PJA2: variants seen among roughly 807,000 people sequenced by gnomAD.
PJA2 encodes the protein E3 ubiquitin-protein ligase Praja-2.
A neutral mutation model predicts 69.3 loss-of-function variants in PJA2; 25 were observed. The ratio of observed to expected loss-of-function variants is 0.36; its 90% CI spans 0.26 to 0.50. PJA2 has a LOEUF of 0.50. PJA2 is among the 20% of genes least tolerant of loss of function. The pLI is 0.96. For missense variants in PJA2, 809 were observed against 830.2 expected (o/e 0.97, Z 0.31); for synonymous variants, 308 against 277.8 (o/e 1.11, Z -1.08).
At chr5:109,352,142 T>C (rs1295174320) in intron 7 of PJA2, among the ~76,000 whole-genome samples, 1 of 152,298 alleles carries the variant, frequency 6.6e-6, no homozygotes, top group Non-Finnish European at 1.5e-5. Context: ...GAGTTCACTA[T>C]TGGTAGAAGC....
At chr5:109,345,197 A>AAC (rs1762153293) in intron 7 of PJA2, among the ~76,000 whole-genome samples, 2 of 151,476 alleles carry the variant, frequency 1.3e-5, no homozygotes, top group African/African-American at 4.8e-5. Context: ...AAAAAAAAAA[A>AAC]AAAACAAAAT....
chr5:109,381,424 A>G, intron 3 of PJA2, 79 bp downstream of exon 3: 2 of 1,177,364 alleles, frequency 1.7e-6, no homozygotes, highest in Admixed American at 2.1e-5. Context: ...GACATGCATA[A>G]TACCCACCCA....
At chr5:109,376,217 A>G (rs934258993) in intron 4 of PJA2, among the ~76,000 whole-genome samples, 1 of 150,322 alleles carries the variant, frequency 6.7e-6, no homozygotes, top group Non-Finnish European at 1.5e-5. Flanking sequence ...GACAGTTTCT[A>G]TTAACTGTAA....
chr5:109,361,061 G>A (rs905505277), intron 6 of PJA2, among the ~76,000 whole-genome samples: 2 of 152,042 alleles, frequency 1.3e-5, no homozygotes, highest in South Asian at 4.1e-4. Context: ...CCGGGAGGCA[G>A]AAGTTGCAGT....
At chr5:109,388,043 G>C (rs1334215128) in intron 1 of PJA2, among the ~76,000 whole-genome samples, 2 of 152,218 alleles carry the variant, frequency 1.3e-5, no homozygotes, top group Admixed American at 6.5e-5. Flanking sequence ...CTCAGTATTA[G>C]AGCCCTCTCT....
chr5:109,362,513 A>G (rs939749559), intron 6 of PJA2, among the ~76,000 whole-genome samples: 1 of 152,188 alleles, frequency 6.6e-6, no homozygotes, highest in Non-Finnish European at 1.5e-5. Flanking sequence ...TTAAGAAGCT[A>G]TTTTTGAAAG....
chr5:109,366,973 T>C (rs1195109538), intron 5 of PJA2, among the ~76,000 whole-genome samples: 1 of 151,236 alleles, frequency 6.6e-6, no homozygotes, highest in Non-Finnish European at 1.5e-5. Flanking sequence ...CTCTACTAAA[T>C]ATACAAAAAT....
Position 109,362,954 on chromosome 5 carries a change from C to G in PJA2, c.1538G>C (p.Ser513Thr), listed in dbSNP as rs370515132. The part of the protein sequence containing the change: ...LQYNEVNESS[S>T]DEGNEPANEF... Reference sequence around the variant, plus strand: ...ATTGGCAGGTTCATTTCCCTCATCACTGCTGCTTTCATTGACTTCATTGTA... The same window carrying G: ...ATTGGCAGGTTCATTTCCCTCATCAGTGCTGCTTTCATTGACTTCATTGTA... The change falls in exon 6 of 10, where the codon AGT becomes ACT. Residue 513 changes from serine (S) to threonine (T), a missense_variant. Coordinates refer to ENST00000361189, the MANE Select transcript of PJA2 (RefSeq NM_014819.5). 9.3e-6 allele frequency: 15 copies of G among 1,613,726 alleles called. No individual in the cohort carries two copies. Among genetic ancestry groups the G allele is most frequent in the Non-Finnish European group, 1.2e-5 (14 of 1,179,802 alleles).
At chr5:109,396,444 T>TTG (rs1747412549) in intron 1 of PJA2, among the ~76,000 whole-genome samples, 22 of 105,248 alleles carry the variant, frequency 2.1e-4, no homozygotes, top group African/African-American at 8.1e-4. Context: ...TTTTTTTTTT[T>TTG]GAGACAGAGT....
chr5:109,341,558 T>G (rs1324946542), intron 9 of PJA2, among the ~76,000 whole-genome samples: 110 of 63,530 alleles, frequency 1.7e-3, no homozygotes, highest in Admixed American at 2.9e-3. Context: ...TGGGGGGGGG[T>G]CAGCCCCCCG....
chr5:109,368,423 C>T, intron 5 of PJA2, 138 bp downstream of exon 5: 1 of 643,202 alleles, frequency 1.6e-6, no homozygotes, highest in South Asian at 2.8e-5. Flanking sequence ...ATACCAAAAG[C>T]ATAATGAAAA....
rs530902678 is a variant in PJA2 at position 109,363,562 on chromosome 5, C to A, written c.1470-540G>T. On this transcript the variant is annotated intron_variant, in intron 5 of 9. Coordinates refer to ENST00000361189, the MANE Select transcript of PJA2 (RefSeq NM_014819.5). ...TTCCTCTACCTAAAATGTTCTTGCA[C>A]TGAATTTTTACTTTGCTACTTTCTT... Among the ~76,000 whole-genome samples the A allele has an allele frequency of 1.2e-4, 19 of 152,288 alleles. No individual in the cohort carries two copies. The South Asian group carries it at 3.7e-3, about 30-fold the overall frequency.
intron 1 of PJA2, among the ~76,000 whole-genome samples, chr5:109,394,461 T>G (rs1019970878): frequency 1.3e-5 from 2 of 152,232 alleles, no homozygotes; most frequent in African/African-American, 2.4e-5. Flanking sequence ...AAATAGTCAC[T>G]GGAAGAAAAT....
At chr5:109,343,271 T>A (rs937749136) in intron 9 of PJA2, among the ~76,000 whole-genome samples, 2 of 39,184 alleles carry the variant, frequency 5.1e-5, no homozygotes, top group African/African-American at 2.6e-4. Context: ...TTAAGGGCGG[T>A]GCAAAAAAAA....
intron 1 of PJA2, among the ~76,000 whole-genome samples, chr5:109,392,560 CAAAAAA>C (rs11365525): frequency 1.8e-5 from 2 of 110,116 alleles, no homozygotes; most frequent in Admixed American, 1.0e-4. Flanking sequence ...GACTCCATCT[CAAAAAA>C]AAAAAAAAAA....
At chr5:109,409,556 C>G (rs1479796080) in intron 1 of PJA2, among the ~76,000 whole-genome samples, 1 of 152,226 alleles carries the variant, frequency 6.6e-6, no homozygotes, top group East Asian at 1.9e-4. Context: ...AGCGAAGACC[C>G]CGATACCAAC....
chr5:109,397,676 G>A (rs556190665), intron 1 of PJA2, among the ~76,000 whole-genome samples: 8 of 151,858 alleles, frequency 5.3e-5, no homozygotes, highest in South Asian at 4.2e-4. Context: ...CCGCCACTAC[G>A]CCCAGATATT....
At chr5:109,409,293 C>T (rs761007023) in intron 1 of PJA2, 1 of 152,398 alleles carries the variant, frequency 6.6e-6, no homozygotes, top group South Asian at 2.1e-4. Flanking sequence ...CGTGCCGAGC[C>T]TCACTGACAA....
chr5:109,354,416 A>C (rs62643557), intron 7 of PJA2, among the ~76,000 whole-genome samples: 30,859 of 90,808 alleles, frequency 0.34, 8,869 homozygotes, highest in Non-Finnish European at 0.48. Flanking sequence ...TCTATAGATT[A>C]GATATCTATG....
Sources: gnomAD v4.1 joint callset for allele counts (sites outside exome capture counted in the v4.1 genomes callset) on GRCh38, gnomAD v4.1.1 for gene constraint, MANE v1.5 for transcripts, NCBI Gene and HGNC (gene_info 2026-07-23, HGNC 2026-07-21) for gene names.